The following PDE1A variants were observed in gnomAD, a reference collection of about 807,000 sequenced individuals.
PDE1A encodes the protein phosphodiesterase 1A.
PDE1A carries 35 observed loss-of-function variants against 61.7 expected under a neutral mutation model. The observed-to-expected ratio is 0.57, with a 90% CI of 0.43 to 0.75. The LOEUF (loss-of-function observed/expected upper bound fraction) is 0.75, where lower values mean the gene tolerates loss of function less well. Among genes scored for constraint, PDE1A ranks in the 30% least tolerant of loss-of-function variants. The probability of loss-of-function intolerance (pLI) is 0.00; values close to 1 mark genes in which losing one functional copy is unlikely to be tolerated. For missense variants in PDE1A, 597 were observed against 630.6 expected, an observed-to-expected ratio of 0.95 and a Z score of 0.57; for synonymous variants, 232 against 213.2, an observed-to-expected ratio of 1.09 and a Z score of -0.77.
rs77903242 is a variant in PDE1A at position 182,499,933 on chromosome 2, G to T, written c.101+22343C>A. ...CAAAGGGCAGTCCCAGGGGATGGCT[G>T]TGTCTCCAGCTTTAGCGAGTCCCAG... is the stretch of plus-strand genomic sequence containing the variant. On this transcript the variant is annotated intron_variant, in intron 2 of 14. Coordinates refer to the PDE1A transcript ENST00000410103. Among the ~76,000 whole-genome samples, 736 of 152,310 alleles carry T rather than the reference G, an allele frequency of 4.8e-3. 4 individuals carry two copies. Among genetic ancestry groups the T allele is most frequent in the African/African-American group, 0.017 (695 of 41,570 alleles).
rs115088495 is a variant in PDE1A at position 182,207,720 on chromosome 2, C to T, written c.777-1655G>A. ...TGGGGAAGATGTCTCCAGGGCATTTCAGAGACCTTCATGGCAGCCCCTCCT... is the reference window on the plus strand; with the variant it reads ...TGGGGAAGATGTCTCCAGGGCATTTTAGAGACCTTCATGGCAGCCCCTCCT... On this transcript the variant is annotated intron_variant, in intron 7 of 13. Coordinates refer to ENST00000351439, the Ensembl canonical transcript of PDE1A. Among the ~76,000 whole-genome samples, 834 of 152,312 alleles carry T rather than the reference C, an allele frequency of 5.5e-3. 5 individuals carry two copies. The highest frequency in any genetic ancestry group is 0.018 in the African/African-American group (758 of 41,576).
chr2:182,447,690 T>A (rs1460006462), intron 2 of PDE1A, among the ~76,000 whole-genome samples: 3 of 152,066 alleles, frequency 2.0e-5, no homozygotes, highest in Non-Finnish European at 2.9e-5. Context: ...CATAAATCTA[T>A]CTATACTTTC....
intron 2 of PDE1A, among the ~76,000 whole-genome samples, chr2:182,434,494 C>G (rs1013196473): frequency 3.3e-5 from 5 of 152,076 alleles, no homozygotes; most frequent in African/African-American, 9.7e-5. Flanking sequence ...TTTACTACAT[C>G]TTCAGATAGG....
the PDE1A span, among the ~76,000 whole-genome samples, chr2:182,602,922 C>G: frequency 0.16 from 23,555 of 151,964 alleles, 2,107 homozygotes; most frequent in Middle Eastern, 0.24. Context: ...AATACAATAT[C>G]AACTCAGTTG....
the PDE1A span, among the ~76,000 whole-genome samples, chr2:182,662,996 C>T: frequency 6.6e-6 from 1 of 151,982 alleles, no homozygotes; most frequent in African/African-American, 2.4e-5. Flanking sequence ...GAAAAACACA[C>T]CACCCCATTA....
intron 3 of PDE1A, among the ~76,000 whole-genome samples, chr2:182,239,561 C>T (rs1436511067): frequency 2.6e-5 from 4 of 151,468 alleles, no homozygotes; most frequent in Admixed American, 2.6e-4. Flanking sequence ...TATAACTAGG[C>T]GTTTCTAGGG....
At chr2:182,478,590 A>G (rs1687516207) in intron 2 of PDE1A, among the ~76,000 whole-genome samples, 1 of 151,904 alleles carries the variant, frequency 6.6e-6, no homozygotes. Context: ...CTTTTAGTTC[A>G]GACCAGGTTT....
At chr2:182,203,431 C>T (rs560139284) in intron 8 of PDE1A, among the ~76,000 whole-genome samples, 3 of 152,298 alleles carry the variant, frequency 2.0e-5, no homozygotes, top group African/African-American at 7.2e-5. Context: ...ACTCTGCTTA[C>T]TTACTTTTAT....
At chr2:182,266,441 C>A (rs1018793821) in intron 1 of PDE1A, among the ~76,000 whole-genome samples, 2 of 152,038 alleles carry the variant, frequency 1.3e-5, no homozygotes. Context: ...TTTCCATAGT[C>A]CTGCAATGGC....
At chr2:182,383,627 A>G (rs996351261) in intron 1 of PDE1A, among the ~76,000 whole-genome samples, 1 of 152,214 alleles carries the variant, frequency 6.6e-6, no homozygotes. Flanking sequence ...ATGGCCCTCC[A>G]GTAGTTATCC....
chr2:182,713,031 T>C, the PDE1A span, among the ~76,000 whole-genome samples: 1 of 152,206 alleles, frequency 6.6e-6, no homozygotes, highest in Non-Finnish European at 1.5e-5. Flanking sequence ...CTTGCTACAT[T>C]CTGGTGATCT....
In PDE1A at chr2:182,426,734, G is replaced by A; in HGVS notation, c.-104C>T. Reference sequence around the variant, plus strand: ...TATTGTGCTGCAAGGAGCCCAGAAAGAAAAAGTAGTTTCCTCTTTCTCTTT... The same window carrying A: ...TATTGTGCTGCAAGGAGCCCAGAAAAAAAAAGTAGTTTCCTCTTTCTCTTT... On this transcript the variant is annotated 5_prime_UTR_variant, in exon 1 of 14. Transcript: ENST00000351439. The A allele has an allele frequency of 2.6e-6, 4 of 1,566,642 alleles. No homozygotes were observed. In the Admixed American group the frequency reaches 7.9e-5, roughly 31 times the overall value.
At chr2:182,195,531 T>C (rs1686065980) in intron 10 of PDE1A, among the ~76,000 whole-genome samples, 1 of 152,078 alleles carries the variant, frequency 6.6e-6, no homozygotes, top group South Asian at 2.1e-4. Context: ...AAATACAGTC[T>C]TTAACAAGAA....
intron 1 of PDE1A, among the ~76,000 whole-genome samples, chr2:182,389,958 C>G (rs567600661): frequency 2.0e-4 from 30 of 152,084 alleles, no homozygotes; most frequent in Admixed American, 1.8e-3. Context: ...GGGCGGTTTG[C>G]GAGGGGCTCT....
intron 1 of PDE1A, among the ~76,000 whole-genome samples, chr2:182,335,420 T>C (rs937980314): frequency 3.3e-5 from 5 of 152,146 alleles, no homozygotes; most frequent in African/African-American, 1.2e-4. Context: ...AAAACAGATT[T>C]ATAGACCAAT....
chr2:182,258,062 G>C (rs1691955421), intron 2 of PDE1A, among the ~76,000 whole-genome samples: 2 of 152,050 alleles, frequency 1.3e-5, no homozygotes, highest in Admixed American at 6.5e-5. Context: ...CAGCTACGCG[G>C]GAGGCTGAGG....
At chr2:182,433,117 C>A (rs950616059) in intron 2 of PDE1A, among the ~76,000 whole-genome samples, 9 of 152,052 alleles carry the variant, frequency 5.9e-5, no homozygotes, top group Non-Finnish European at 1.3e-4. Context: ...TGCTCCATCT[C>A]AGCTAGCTTT....
At chr2:182,417,255 T>A (rs1395176973) in intron 1 of PDE1A, among the ~76,000 whole-genome samples, 2 of 152,228 alleles carry the variant, frequency 1.3e-5, no homozygotes, top group African/African-American at 2.4e-5. Context: ...CAGTTGCCTG[T>A]CAGAATCCTA....
intron 11 of PDE1A, 41 bp downstream of exon 11, chr2:182,188,938 G>T: frequency 7.5e-7 from 1 of 1,334,162 alleles, no homozygotes; most frequent in Non-Finnish European, 1.1e-6. Flanking sequence ...AAACTGACAA[G>T]CACACACTCA....
Sources: gnomAD v4.1 joint callset for allele counts (sites outside exome capture counted in the v4.1 genomes callset) on GRCh38, gnomAD v4.1.1 for gene constraint, MANE v1.5 for transcripts, NCBI Gene and HGNC (gene_info 2026-07-23, HGNC 2026-07-21) for gene names.